Variants in ARID1B observed in about 807,000 individuals in gnomAD.
ARID1B encodes AT-rich interactive domain-containing protein 1B.
In ARID1B, 30 loss-of-function variants were observed where a neutral mutation model predicts 212.3. That is an observed-to-expected ratio of 0.14 (90% CI 0.11 to 0.19). ARID1B has a LOEUF of 0.19. Ranked by LOEUF, ARID1B falls within the 10% of genes least tolerant of loss-of-function variation. ARID1B has a pLI of 1.00. For synonymous variants in ARID1B, 1,402 were observed against 1,301.7 expected (o/e 1.08, Z -1.66); for missense variants, 2,891 against 3,204.0 (o/e 0.90, Z 2.36).
chr6:156,901,149 A>G (rs1788897343), intron 2 of ARID1B, among the ~76,000 whole-genome samples: 1 of 152,122 alleles, frequency 6.6e-6, no homozygotes, highest in Non-Finnish European at 1.5e-5. Context: ...TTTCTATCTG[A>G]TAGAATATGA....
At position 156,934,954 on chromosome 6, in the gene ARID1B, AT is replaced by A. The variant is rs1562494882; in HGVS notation, c.2137-511del. Among the ~76,000 whole-genome samples, 288 of 81,730 alleles carry A rather than the reference AT, an allele frequency of 3.5e-3. 7 individuals carry two copies. The highest frequency in any genetic ancestry group is 0.015 in the East Asian group (34 of 2,222). The allele number at this position is 81,730 out of a possible 152,430, so 53.6% of individuals were successfully genotyped here. On this transcript the variant is annotated intron_variant, in intron 3 of 19. Coordinates refer to ENST00000636930, the MANE Select transcript of ARID1B (RefSeq NM_001374828.1). ...TATATATATATATATATATATATAT[AT>A]ATATATAGTTTATATTTCTGCTGTT... is the stretch of plus-strand genomic sequence containing the variant.
intron 3 of ARID1B, among the ~76,000 whole-genome samples, chr6:156,906,418 G>A (rs776462256): frequency 1.9e-4 from 29 of 151,656 alleles, no homozygotes; most frequent in Non-Finnish European, 1.0e-4. Flanking sequence ...GTGGAGGCGC[G>A]TCTGTAATCC....
intron 5 of ARID1B, among the ~76,000 whole-genome samples, chr6:157,106,672 A>G (rs1455926981): frequency 6.6e-6 from 1 of 152,214 alleles, no homozygotes; most frequent in East Asian, 1.9e-4. Flanking sequence ...CAGGAGTGAC[A>G]GCCCATCACT....
intron 3 of ARID1B, among the ~76,000 whole-genome samples, chr6:156,927,144 T>C (rs1186283414): frequency 1.3e-5 from 2 of 152,238 alleles, no homozygotes; most frequent in African/African-American, 4.8e-5. Context: ...GAATATATAT[T>C]ATTGTTTAAT....
chr6:156,974,949 C>A (rs1777135836), intron 4 of ARID1B, among the ~76,000 whole-genome samples: 1 of 152,104 alleles, frequency 6.6e-6, no homozygotes, highest in African/African-American at 2.4e-5. Context: ...TGGGTTCTTT[C>A]CACTTTTCAG....
chr6:157,000,362 T>C (rs993197631), intron 4 of ARID1B, among the ~76,000 whole-genome samples: 2 of 152,226 alleles, frequency 1.3e-5, no homozygotes, highest in African/African-American at 4.8e-5. Flanking sequence ...ATCTTAGTTA[T>C]CAAATGGAGA....
chr6:156,880,465 C>A (rs900118254), intron 2 of ARID1B, among the ~76,000 whole-genome samples: 3 of 152,288 alleles, frequency 2.0e-5, no homozygotes, highest in Middle Eastern at 3.4e-3. Context: ...CAGCCAGGCA[C>A]AGTGGCTCAC....
chr6:156,797,861 G>A (rs1474372995), intron 1 of ARID1B, among the ~76,000 whole-genome samples: 1 of 152,182 alleles, frequency 6.6e-6, no homozygotes, highest in African/African-American at 2.4e-5. Context: ...GTTCTAGGGG[G>A]CACCAACCTT....
intron 3 of ARID1B, among the ~76,000 whole-genome samples, chr6:156,930,560 G>A (rs1582971446): frequency 6.6e-6 from 1 of 152,300 alleles, no homozygotes; most frequent in Admixed American, 6.5e-5. Flanking sequence ...AAAGATTGAT[G>A]CTACAGAGAT....
At chr6:156,900,084 AAAAT>A (rs1788795139) in intron 2 of ARID1B, among the ~76,000 whole-genome samples, 1 of 152,224 alleles carries the variant, frequency 6.6e-6, no homozygotes, top group Non-Finnish European at 1.5e-5. Context: ...ATCAAGCTGT[AAAAT>A]AAATAAAAGC....
intron 4 of ARID1B, among the ~76,000 whole-genome samples, chr6:157,050,817 A>G (rs1004877453): frequency 6.6e-6 from 1 of 152,214 alleles, no homozygotes; most frequent in Non-Finnish European, 1.5e-5. Context: ...AGTATGTGCA[A>G]ACATCGCAGG....
intron 1 of ARID1B, among the ~76,000 whole-genome samples, chr6:156,815,415 A>G (rs1781895418): frequency 6.6e-6 from 1 of 152,140 alleles, no homozygotes; most frequent in South Asian, 2.1e-4. Flanking sequence ...AACACTTTGA[A>G]CTTTTTTAGG....
Position 157,200,716 on chromosome 6 carries a change from C to T in ARID1B, c.4491C>T (p.Arg1497=). 6.2e-7 allele frequency: 1 copy of T among 1,607,414 alleles called. No individual in the cohort carries two copies. Among genetic ancestry groups the T allele is most frequent in the Non-Finnish European group, 8.5e-7 (1 of 1,176,726 alleles). ...TCTGTGAATTCCAGAATTACAAACG[C>T]CATATGGACGGCATGTACGGGCCCC... is the stretch of plus-strand genomic sequence containing the variant. The part of the protein sequence containing the change: ...GLYPQQPNYK[R]HMDGMYGPPA... The change falls in exon 18 of 20, where the codon CGC becomes CGT. Residue 1497 remains arginine, a synonymous_variant. Coordinates refer to ENST00000636930, the MANE Select transcript of ARID1B (RefSeq NM_001374828.1). This position sits in a 1 kb window ranked among gnomAD's most constrained non-coding sequence, Gnocchi z 4.3.
chr6:157,039,731 C>CCTA (rs1781683542), intron 4 of ARID1B, among the ~76,000 whole-genome samples: 2 of 58,616 alleles, frequency 3.4e-5, no homozygotes, highest in Admixed American at 2.3e-4. Flanking sequence ...TTCTTTCTTT[C>CCTA]CCTCCCTCCC....
chr6:157,193,138 C>A (rs1379358605), intron 15 of ARID1B, among the ~76,000 whole-genome samples: 3 of 152,146 alleles, frequency 2.0e-5, no homozygotes, highest in Non-Finnish European at 4.4e-5. Context: ...ATATGTTTAA[C>A]AGAATAGTAT....
intron 1 of ARID1B, among the ~76,000 whole-genome samples, chr6:156,796,859 A>G (rs1427196772): frequency 1.3e-5 from 2 of 151,802 alleles, no homozygotes; most frequent in African/African-American, 2.4e-5. Context: ...AGCAGAAGCC[A>G]GAGCCTGGGG....
At chr6:157,058,963 C>T (rs1197812326) in intron 4 of ARID1B, among the ~76,000 whole-genome samples, 2 of 151,958 alleles carry the variant, frequency 1.3e-5, no homozygotes, top group East Asian at 1.9e-4. Context: ...GCTGGGGCTG[C>T]GGATTTTGGT....
rs1376334159 is a variant in ARID1B, at chr6:156,801,036, A to G, written c.1791+21565A>G. 3.3e-5 allele frequency among the ~76,000 whole-genome samples: 5 copies of G among 152,208 alleles called. No homozygotes were observed. In the East Asian group the frequency reaches 9.7e-4, roughly 29 times the overall value. On this transcript the variant is annotated intron_variant, in intron 1 of 19. Transcript: ENST00000636930. ...AGATCTAGAACATTCTCATCACTGTAGAAAGCTCTCTGGGACAGTGTTCTA... is the reference window on the plus strand; with the variant it reads ...AGATCTAGAACATTCTCATCACTGTGGAAAGCTCTCTGGGACAGTGTTCTA...
At chr6:156,888,976 T>A (rs1194374250) in intron 2 of ARID1B, among the ~76,000 whole-genome samples, 1 of 152,224 alleles carries the variant, frequency 6.6e-6, no homozygotes, top group East Asian at 1.9e-4. Context: ...ACATTAAAAG[T>A]GAGTGTGGCT....
Sources: allele counts gnomAD v4.1 joint callset (sites outside exome capture counted in the v4.1 genomes callset), GRCh38; gene constraint gnomAD v4.1.1; non-coding constraint Gnocchi (gnomAD v3.1); transcripts MANE v1.5; gene names NCBI Gene and HGNC (gene_info 2026-07-23, HGNC 2026-07-21).